Variants in TDRD3 observed in about 807,000 individuals in gnomAD.
The protein encoded by TDRD3 is tudor domain-containing protein 3.
Under a neutral mutation model 86.7 loss-of-function variants are expected in TDRD3, and 45 were observed. The ratio of observed to expected loss-of-function variants is 0.52; its 90% CI spans 0.41 to 0.67. The LOEUF is 0.67. TDRD3 is among the 30% of genes least tolerant of loss of function. The pLI, the probability that TDRD3 is intolerant of heterozygous loss-of-function variation, is 0.00. For synonymous variants in TDRD3, 298 were observed against 301.7 expected, an observed-to-expected ratio of 0.99 and a Z score of 0.13; for missense variants, 814 against 889.0, an observed-to-expected ratio of 0.92 and a Z score of 1.07.
intron 5 of TDRD3, among the ~76,000 whole-genome samples, chr13:60,476,030 G>A (rs1956180045): frequency 6.6e-6 from 1 of 152,096 alleles, no homozygotes; most frequent in South Asian, 2.1e-4. Flanking sequence ...CTGTGCAGAA[G>A]CTCTTTAGTT....
At chr13:60,504,515 T>A (rs906175316) in intron 8 of TDRD3, among the ~76,000 whole-genome samples, 2 of 152,242 alleles carry the variant, frequency 1.3e-5, no homozygotes, top group African/African-American at 4.8e-5. Flanking sequence ...GACCACATAT[T>A]TGCATTTTGA....
intron 5 of TDRD3, among the ~76,000 whole-genome samples, chr13:60,478,328 G>T (rs1195892649): frequency 8.9e-6 from 1 of 112,530 alleles, no homozygotes; most frequent in Non-Finnish European, 1.7e-5. Flanking sequence ...TTGAGACAGA[G>T]TCTCACTGTG....
chr13:60,566,115 T>C (rs2137987769), intron 12 of TDRD3, among the ~76,000 whole-genome samples: 1 of 152,302 alleles, frequency 6.6e-6, no homozygotes, highest in Non-Finnish European at 1.5e-5. Context: ...TTGGCTTCTT[T>C]CTTTTACATG....
At chr13:60,556,768 A>G (rs1223817928) in intron 12 of TDRD3, among the ~76,000 whole-genome samples, 2 of 152,214 alleles carry the variant, frequency 1.3e-5, no homozygotes, top group South Asian at 2.1e-4. Context: ...GTATAAAGGA[A>G]AAGATGATCA....
At chr13:60,491,006 A>G (rs988976898) in intron 7 of TDRD3, among the ~76,000 whole-genome samples, 2 of 151,626 alleles carry the variant, frequency 1.3e-5, no homozygotes, top group Non-Finnish European at 2.9e-5. Flanking sequence ...AATCCCAGCT[A>G]CTCGGGAGCC....
Position 60,467,287 on chromosome 13 carries a change from A to G in TDRD3, c.403A>G (p.Ile135Val), listed in dbSNP as rs766350000. ...TKVKLSGIVD[I>V]KNGFLLLNDS... ...AGTTAAGCTCTCAGGCATTGTTGAC[A>G]TAAAAAATGGATTCCTGCTCTTGAA... The change falls in exon 5 of 14, where the codon ATA becomes GTA. Residue 135 changes from isoleucine to valine, a missense_variant. By Grantham distance (29) the Ile-to-Val change is conservative. Coordinates refer to ENST00000377881, the MANE Select transcript of TDRD3 (RefSeq NM_001146070.2). 3.7e-6 allele frequency: 6 copies of G among 1,613,954 alleles called. No homozygotes were observed. Among genetic ancestry groups the G allele is most frequent in the Admixed American group, 3.3e-5 (2 of 59,984 alleles).
chr13:60,421,193 T>TAA lies in TDRD3; in HGVS notation c.42-18487_42-18486dup, dbSNP rs147032881. Among the ~76,000 whole-genome samples the TAA allele has an allele frequency of 1.1e-3, 166 of 150,860 alleles. 1 individual carries two copies. The highest frequency in any genetic ancestry group is 3.4e-4 in the Non-Finnish European group (23 of 67,686). ...GAAATACCCGAGACTGGGTAATTAA[T>TAA]AAAAAAAAAGAGGTTTAATGGACTC... On this transcript the variant is annotated intron_variant, in intron 1 of 13. Coordinates refer to ENST00000377881, the MANE Select transcript of TDRD3 (RefSeq NM_001146070.2).
At chr13:60,472,515 G>T (rs1275798002) in intron 5 of TDRD3, among the ~76,000 whole-genome samples, 2 of 152,148 alleles carry the variant, frequency 1.3e-5, no homozygotes, top group East Asian at 3.8e-4. Flanking sequence ...AAAATAGCAG[G>T]TGTTGGCGAA....
At chr13:60,571,367 C>T (rs1165310386) in intron 13 of TDRD3, among the ~76,000 whole-genome samples, 2 of 152,088 alleles carry the variant, frequency 1.3e-5, no homozygotes, top group Non-Finnish European at 2.9e-5. Flanking sequence ...TTTCCTCATT[C>T]CTGGTTTGTA....
chr13:60,557,820 ATTT>A (rs749028045), intron 12 of TDRD3, among the ~76,000 whole-genome samples: 12 of 88,280 alleles, frequency 1.4e-4, no homozygotes, highest in South Asian at 1.0e-3. Context: ...TTTTTTCCTG[ATTT>A]TTTTTTTTTT....
intron 6 of TDRD3, among the ~76,000 whole-genome samples, chr13:60,484,075 T>A (rs1956375984): frequency 6.6e-6 from 1 of 152,102 alleles, no homozygotes; most frequent in Non-Finnish European, 1.5e-5. Flanking sequence ...AAGAGCCATA[T>A]CTGAAGAGTA....
intron 10 of TDRD3, among the ~76,000 whole-genome samples, chr13:60,521,131 T>A (rs187205555): frequency 3.3e-5 from 5 of 152,348 alleles, no homozygotes; most frequent in Admixed American, 3.3e-4. Context: ...TTTTCTGTGA[T>A]CATTTGAACT....
At chr13:60,430,992 T>G (rs1954941448) in intron 1 of TDRD3, among the ~76,000 whole-genome samples, 2 of 152,104 alleles carry the variant, frequency 1.3e-5, no homozygotes, top group Non-Finnish European at 2.9e-5. Flanking sequence ...TATGTGTACT[T>G]TATTTTTATA....
intron 1 of TDRD3, among the ~76,000 whole-genome samples, chr13:60,418,914 T>C (rs1594908600): frequency 6.6e-6 from 1 of 152,216 alleles, no homozygotes; most frequent in East Asian, 1.9e-4. Flanking sequence ...TATTGTTGAG[T>C]AGTAGTTCCT....
intron 3 of TDRD3, among the ~76,000 whole-genome samples, chr13:60,455,865 C>G (rs552848224): frequency 6.6e-6 from 1 of 151,854 alleles, no homozygotes; most frequent in Admixed American, 6.6e-5. Context: ...GTCCAGAGTT[C>G]GAGACCAGCC....
intron 3 of TDRD3, among the ~76,000 whole-genome samples, chr13:60,449,162 G>C (rs1040158334): frequency 6.6e-6 from 1 of 151,940 alleles, no homozygotes; most frequent in African/African-American, 2.4e-5. Flanking sequence ...CTAGAAATCG[G>C]ATGTTTTTAA....
At chr13:60,395,637 G>A (rs1258245704), upstream of TDRD3, among the ~76,000 whole-genome samples, 1 of 152,104 alleles carries the variant, frequency 6.6e-6, no homozygotes, top group African/African-American at 2.4e-5. Flanking sequence ...TCTGATGATT[G>A]GTACAACATA....
At chr13:60,530,864 G>A (rs887600417) in intron 11 of TDRD3, among the ~76,000 whole-genome samples, 2 of 152,154 alleles carry the variant, frequency 1.3e-5, no homozygotes, top group Admixed American at 6.5e-5. Flanking sequence ...TCAAGGAATT[G>A]AAATTCACAC....
intron 12 of TDRD3, among the ~76,000 whole-genome samples, chr13:60,548,635 C>T (rs986455080): frequency 6.6e-6 from 1 of 152,050 alleles, no homozygotes; most frequent in African/African-American, 2.4e-5. Context: ...GCAGTGTCAT[C>T]TTTCATAACT....
Sources: gnomAD v4.1 joint callset for allele counts (sites outside exome capture counted in the v4.1 genomes callset) on GRCh38, gnomAD v4.1.1 for gene constraint, MANE v1.5 for transcripts, NCBI Gene and HGNC (gene_info 2026-07-23, HGNC 2026-07-21) for gene names.